KCNQ5: variants seen among roughly 807,000 people sequenced by gnomAD.
KCNQ5 encodes potassium voltage-gated channel subfamily KQT member 5.
A neutral mutation model predicts 98.2 loss-of-function variants in KCNQ5; 30 were observed. That is an observed-to-expected ratio of 0.31 (90% CI 0.23 to 0.41). KCNQ5 has a LOEUF of 0.41. KCNQ5 is among the 10% of genes least tolerant of loss of function. The probability of loss-of-function intolerance (pLI) is 1.00; values close to 1 mark genes in which losing one functional copy is unlikely to be tolerated. For missense variants in KCNQ5, 835 were observed against 1,182.5 expected, an observed-to-expected ratio of 0.71 and a Z score of 4.31; for synonymous variants, 458 against 449.4, an observed-to-expected ratio of 1.02 and a Z score of -0.24.
chr6:73,105,132 A>G, intron 5 of KCNQ5, 125 bp from the exon 6 acceptor site: 1 of 543,900 alleles, frequency 1.8e-6, no homozygotes, highest in Non-Finnish European at 3.3e-6. Flanking sequence ...AAAGCACAGT[A>G]ATAAAAAGCA....
chr6:72,687,814 T>C (rs962420851), intron 1 of KCNQ5, among the ~76,000 whole-genome samples: 5 of 151,006 alleles, frequency 3.3e-5, no homozygotes, highest in Non-Finnish European at 7.4e-5. Context: ...GTTTGCAAAA[T>C]GCTAGTCTTT....
At chr6:73,063,721 T>TAGATAGATGATA (rs1554203585) in intron 3 of KCNQ5, among the ~76,000 whole-genome samples, 2,381 of 95,598 alleles carry the variant, frequency 0.025, 33 homozygotes, top group Middle Eastern at 0.04. Context: ...GATAGATAGA[T>TAGATAGATGATA]GATAGATAGA....
intron 10 of KCNQ5, chr6:73,157,919 T>C (rs1777433749): frequency 1.3e-6 from 1 of 774,742 alleles, no homozygotes; most frequent in Admixed American, 1.7e-5. Flanking sequence ...CCTGCCCCGC[T>C]GTCAAAGATC....
intron 8 of KCNQ5, among the ~76,000 whole-genome samples, chr6:73,120,849 G>A (rs532120098): frequency 2.0e-4 from 31 of 152,204 alleles, no homozygotes; most frequent in African/African-American, 7.5e-4. Context: ...ACTTTCTAAT[G>A]TCTCATTTCG....
chr6:72,732,637 T>A (rs1343215427), intron 1 of KCNQ5, among the ~76,000 whole-genome samples: 1 of 152,174 alleles, frequency 6.6e-6, no homozygotes, highest in African/African-American at 2.4e-5. Flanking sequence ...GATTTTTCCA[T>A]TATGCTTGAG....
intron 2 of KCNQ5, among the ~76,000 whole-genome samples, chr6:73,019,727 T>C (rs1024011447): frequency 6.6e-6 from 1 of 152,190 alleles, no homozygotes; most frequent in African/African-American, 2.4e-5. Context: ...GCAGTTTAGA[T>C]TGAAAAACAA....
At chr6:72,738,889 G>T (rs190995939) in intron 1 of KCNQ5, among the ~76,000 whole-genome samples, 15 of 152,272 alleles carry the variant, frequency 9.9e-5, no homozygotes, top group Non-Finnish European at 4.4e-5. Flanking sequence ...GGTTGCCAGG[G>T]GTTAGGGAGA....
At chr6:72,879,964 C>T (rs1032800418) in intron 1 of KCNQ5, among the ~76,000 whole-genome samples, 4 of 152,144 alleles carry the variant, frequency 2.6e-5, no homozygotes, top group East Asian at 1.9e-4. Flanking sequence ...TTCTTGATTA[C>T]TACTTATTTA....
chr6:72,647,411 G>A (rs1765647407), intron 1 of KCNQ5, among the ~76,000 whole-genome samples: 3 of 151,528 alleles, frequency 2.0e-5, no homozygotes, highest in Admixed American at 1.3e-4. Flanking sequence ...AACCTGGTCA[G>A]GAGACAGAAG....
intron 10 of KCNQ5, among the ~76,000 whole-genome samples, chr6:73,139,875 T>C (rs946908799): frequency 3.3e-5 from 5 of 152,192 alleles, no homozygotes; most frequent in African/African-American, 1.2e-4. Flanking sequence ...TGGTGACTCC[T>C]TCTTCCTTCT....
chr6:73,006,495 A>G (rs1205256727), intron 2 of KCNQ5, among the ~76,000 whole-genome samples: 1 of 151,962 alleles, frequency 6.6e-6, no homozygotes, highest in Non-Finnish European at 1.5e-5. Flanking sequence ...CTACTAAAAA[A>G]CACAAAAATT....
At chr6:72,900,278 G>A (rs1244751535) in intron 1 of KCNQ5, among the ~76,000 whole-genome samples, 1 of 151,032 alleles carries the variant, frequency 6.6e-6, no homozygotes, top group Non-Finnish European at 1.5e-5. Context: ...TGTGAATGCC[G>A]TGAATTCATT....
intron 1 of KCNQ5, among the ~76,000 whole-genome samples, chr6:72,812,043 T>G (rs1279705378): frequency 2.6e-5 from 4 of 152,200 alleles, no homozygotes. Context: ...TGCCATGGTA[T>G]TTGTAAACGG....
Position 72,907,124 on chromosome 6 carries a change from A to T in KCNQ5, c.399-96784A>T, listed in dbSNP as rs9442868. On this transcript the variant is annotated intron_variant, in intron 1 of 13. Coordinates refer to ENST00000370398, the MANE Select transcript of KCNQ5 (RefSeq NM_019842.4). ...AATCACGTAAGAATTTCAAATGTTT[A>T]TTACTTTAACTGTGTTATCTTGTGC... Among the ~76,000 whole-genome samples, 1,319 of 152,192 alleles carry T rather than the reference A, an allele frequency of 8.7e-3. 19 individuals carry two copies. The highest frequency in any genetic ancestry group is 0.03 in the African/African-American group (1,256 of 41,522).
chr6:72,811,277 G>C (rs936453677), intron 1 of KCNQ5, among the ~76,000 whole-genome samples: 1 of 152,158 alleles, frequency 6.6e-6, no homozygotes, highest in African/African-American at 2.4e-5. Context: ...AAAAATAGTG[G>C]AGAGAGATTT....
intron 1 of KCNQ5, among the ~76,000 whole-genome samples, chr6:72,951,370 A>G (rs918118916): frequency 6.6e-6 from 1 of 151,692 alleles, no homozygotes; most frequent in Non-Finnish European, 1.5e-5. Context: ...TCTGCCTCCC[A>G]GGTTCAACCA....
chr6:73,157,871 A>C (rs896071634), intron 10 of KCNQ5: 2 of 778,530 alleles, frequency 2.6e-6, no homozygotes, highest in African/African-American at 1.7e-5. Flanking sequence ...TCGGGATCTA[A>C]GCGAATATCG....
At chr6:72,906,342 T>C (rs1779700160) in intron 1 of KCNQ5, among the ~76,000 whole-genome samples, 1 of 152,176 alleles carries the variant, frequency 6.6e-6, no homozygotes, top group Non-Finnish European at 1.5e-5. Context: ...CAAAAGAAAG[T>C]AGGACATTAG....
At chr6:73,092,812 C>CA (rs1774311105) in intron 5 of KCNQ5, among the ~76,000 whole-genome samples, 1 of 152,058 alleles carries the variant, frequency 6.6e-6, no homozygotes, top group South Asian at 2.1e-4. Context: ...ATTCGGTTAG[C>CA]TAGTATTTTG....
Sources: gnomAD v4.1 joint callset for allele counts (sites outside exome capture counted in the v4.1 genomes callset) on GRCh38, gnomAD v4.1.1 for gene constraint, MANE v1.5 for transcripts, NCBI Gene and HGNC (gene_info 2026-07-23, HGNC 2026-07-21) for gene names.